RASAL2: variants seen among roughly 807,000 people sequenced by gnomAD.
RASAL2 encodes the protein RAS protein activator like 2.
In RASAL2, 58 loss-of-function variants were observed where a neutral mutation model predicts 128.9. The observed-to-expected ratio is 0.45, with a 90% CI of 0.36 to 0.56. The LOEUF (loss-of-function observed/expected upper bound fraction) is 0.56. RASAL2 is among the 20% of genes least tolerant of loss of function. The probability of loss-of-function intolerance (pLI) is 0.00; values close to 1 mark genes in which losing one functional copy is unlikely to be tolerated. For missense variants in RASAL2, 1,360 were observed against 1,601.6 expected, an observed-to-expected ratio of 0.85 and a Z score of 2.57; for synonymous variants, 561 against 580.8, an observed-to-expected ratio of 0.97 and a Z score of 0.49.
At chr1:178,464,179 T>C in intron 14 of RASAL2, 99 bp from the exon 15 acceptor site, 1 of 1,377,502 alleles carries the variant, frequency 7.3e-7, no homozygotes, top group Non-Finnish European at 9.7e-7. Context: ...ATTAGAAAAC[T>C]GAGAGATCAC....
At chr1:178,311,681 T>G (rs12060844) in intron 3 of RASAL2, among the ~76,000 whole-genome samples, 2 of 152,006 alleles carry the variant, frequency 1.3e-5, no homozygotes, top group Non-Finnish European at 2.9e-5. Context: ...CTTCTCTCAC[T>G]TGCCTTTACC....
chr1:178,170,753 TTAAA>T (rs1661679183), intron 1 of RASAL2, among the ~76,000 whole-genome samples: 2 of 151,794 alleles, frequency 1.3e-5, no homozygotes, highest in African/African-American at 4.8e-5. Context: ...GTTTTAAATA[TTAAA>T]TATTTATTCA....
chr1:178,131,990 C>T (rs1660136686), intron 1 of RASAL2, among the ~76,000 whole-genome samples: 1 of 151,860 alleles, frequency 6.6e-6, no homozygotes, highest in Admixed American at 6.6e-5. Flanking sequence ...TTTTTGTTTC[C>T]TTCCTCATTG....
intron 3 of RASAL2, among the ~76,000 whole-genome samples, chr1:178,358,538 A>T (rs1670942809): frequency 6.6e-6 from 1 of 152,180 alleles, no homozygotes; most frequent in Non-Finnish European, 1.5e-5. Flanking sequence ...ACAAAAGCAT[A>T]ACATATATAC....
At chr1:178,119,539 C>G (rs2902216) in intron 1 of RASAL2, among the ~76,000 whole-genome samples, 16,625 of 152,170 alleles carry the variant, frequency 0.11, 1,159 homozygotes, top group African/African-American at 0.19. Flanking sequence ...GTAGTGAAAC[C>G]AGAAAGCTGT....
At chr1:178,248,763 G>A (rs1268323107) in intron 1 of RASAL2, among the ~76,000 whole-genome samples, 1 of 152,150 alleles carries the variant, frequency 6.6e-6, no homozygotes, top group Non-Finnish European at 1.5e-5. Context: ...GCATTTGCTT[G>A]TCTGTAAAGG....
At chr1:178,462,727 A>G (rs1647244846) in intron 14 of RASAL2, among the ~76,000 whole-genome samples, 1 of 152,184 alleles carries the variant, frequency 6.6e-6, no homozygotes, top group South Asian at 2.1e-4. Context: ...GCTAGGATAT[A>G]TTAGGAAGTG....
chr1:178,467,079 C>T (rs554426329), intron 16 of RASAL2, among the ~76,000 whole-genome samples: 2 of 151,980 alleles, frequency 1.3e-5, no homozygotes, highest in Non-Finnish European at 2.9e-5. Flanking sequence ...AAGTTGTGCT[C>T]AGGAAGGAAT....
chr1:178,408,308 G>A (rs1674118585), intron 4 of RASAL2, among the ~76,000 whole-genome samples: 1 of 152,032 alleles, frequency 6.6e-6, no homozygotes, highest in Non-Finnish European at 1.5e-5. Flanking sequence ...CATTTAGACT[G>A]GAACATCATT....
intron 1 of RASAL2, among the ~76,000 whole-genome samples, chr1:178,198,938 G>C (rs1662768590): frequency 6.6e-6 from 1 of 152,204 alleles, no homozygotes; most frequent in African/African-American, 2.4e-5. Context: ...AGTCTACAGA[G>C]GCAAGTGGTC....
At chr1:178,361,899 T>C (rs1029126501) in intron 3 of RASAL2, among the ~76,000 whole-genome samples, 3 of 152,050 alleles carry the variant, frequency 2.0e-5, no homozygotes, top group Non-Finnish European at 2.9e-5. Context: ...TGACAGATCA[T>C]CAGGCATTAG....
intron 1 of RASAL2, among the ~76,000 whole-genome samples, chr1:178,279,764 C>CT (rs1666694620): frequency 6.6e-6 from 1 of 152,048 alleles, no homozygotes; most frequent in Non-Finnish European, 1.5e-5. Flanking sequence ...AAATTTAAGA[C>CT]TAAAAGCAAA....
At chr1:178,406,738 C>T (rs1280235830) in intron 4 of RASAL2, among the ~76,000 whole-genome samples, 1 of 151,898 alleles carries the variant, frequency 6.6e-6, no homozygotes, top group Non-Finnish European at 1.5e-5. Flanking sequence ...TAGATATCTT[C>T]CATTGGTCCC....
chr1:178,440,406 C>A (rs968597731), intron 6 of RASAL2, among the ~76,000 whole-genome samples: 1 of 151,966 alleles, frequency 6.6e-6, no homozygotes, highest in Non-Finnish European at 1.5e-5. Context: ...TCAACATGTT[C>A]ACTATCAGAG....
At chr1:178,159,924 C>A (rs12403484) in intron 1 of RASAL2, among the ~76,000 whole-genome samples, 16,437 of 150,814 alleles carry the variant, frequency 0.11, 904 homozygotes, top group Middle Eastern at 0.14. Flanking sequence ...AACAAACAAA[C>A]AAAAAAAACT....
intron 1 of RASAL2, among the ~76,000 whole-genome samples, chr1:178,280,842 G>A (rs991398377): frequency 6.6e-6 from 1 of 152,000 alleles, no homozygotes; most frequent in Non-Finnish European, 1.5e-5. Flanking sequence ...TTGGAAGTCA[G>A]AAATTAAAAG....
chr1:178,353,514 A>G (rs1248166260), intron 3 of RASAL2, among the ~76,000 whole-genome samples: 3 of 152,188 alleles, frequency 2.0e-5, no homozygotes, highest in Admixed American at 2.0e-4. Flanking sequence ...TATTTTGGTC[A>G]CAACCATTTA....
chr1:178,294,163 A>G (rs1667394708), intron 2 of RASAL2, among the ~76,000 whole-genome samples: 1 of 152,216 alleles, frequency 6.6e-6, no homozygotes, highest in Non-Finnish European at 1.5e-5. Flanking sequence ...ACTAATTTAT[A>G]GGATAGTAGT....
At chr1:178,096,603 G>A (rs1032641051) in intron 1 of RASAL2, among the ~76,000 whole-genome samples, 1 of 151,788 alleles carries the variant, frequency 6.6e-6, no homozygotes, top group African/African-American at 2.4e-5. Context: ...TTCTTTCTGC[G>A]TGGTTCAATT....
Sources: allele counts gnomAD v4.1 joint callset (sites outside exome capture counted in the v4.1 genomes callset), GRCh38; gene constraint gnomAD v4.1.1; transcripts MANE v1.5; gene names NCBI Gene and HGNC (gene_info 2026-07-23, HGNC 2026-07-21).